Variants in PON1 observed in about 807,000 individuals in gnomAD.
PON1 encodes serum paraoxonase/arylesterase 1.
In PON1, 37 loss-of-function variants were observed where a neutral mutation model predicts 39.2. The observed-to-expected ratio is 0.94, with a 90% CI of 0.73 to 1.24. The LOEUF (loss-of-function observed/expected upper bound fraction) is 1.24. Ranked by LOEUF, PON1 falls within the 50% of genes most tolerant of loss-of-function variation. The pLI, the probability that PON1 is intolerant of heterozygous loss-of-function variation, is 0.00. For missense variants in PON1, 397 were observed against 413.5 expected, an observed-to-expected ratio of 0.96 and a Z score of 0.35; for synonymous variants, 148 against 152.2, an observed-to-expected ratio of 0.97 and a Z score of 0.21.
chr7:95,301,647 A>G lies in PON1; in HGVS notation c.909+558T>C, dbSNP rs565623309. ...TACACTGTGTCCACACATTTTGTGT[A>G]TAGTCCGTTGATTAAACTCCCCTCA... On this transcript the variant is annotated intron_variant, in intron 8 of 8. Coordinates refer to ENST00000222381, the MANE Select transcript of PON1 (RefSeq NM_000446.7). Among the ~76,000 whole-genome samples the G allele has an allele frequency of 1.2e-3, 185 of 152,236 alleles. 1 individual carries two copies. Among genetic ancestry groups the G allele is most frequent in the African/African-American group, 3.5e-3 (147 of 41,552 alleles).
chr7:95,306,884 A>G (rs1362345044), intron 6 of PON1, among the ~76,000 whole-genome samples: 1 of 152,042 alleles, frequency 6.6e-6, no homozygotes, highest in African/African-American at 2.4e-5. Flanking sequence ...CATACCCCAC[A>G]AAGATCTGGG....
In PON1 at chr7:95,311,419, A is replaced by C. The variant is rs1161576261; in HGVS notation, c.497+32T>G. ...GTGGATTAACTATCCGCTACAGCTA[A>C]AGGAAAATAGAAATGTGATATATCT... On this transcript the variant is annotated intron_variant, in intron 5 of 8. Transcript: ENST00000222381. 3.7e-6 allele frequency: 6 copies of C among 1,613,074 alleles called. No individual in the cohort carries two copies. In the South Asian group the frequency reaches 5.5e-5, roughly 15 times the overall value.
At chr7:95,299,253 T>G (rs1179572418) in intron 8 of PON1, 151 bp from the exon 9 acceptor site, 1 of 852,962 alleles carries the variant, frequency 1.2e-6, no homozygotes, top group African/African-American at 1.7e-5. Flanking sequence ...ACACACCTGT[T>G]TCTTCATTTG....
At position 95,316,730 on chromosome 7, in the gene PON1, T is replaced by G. The variant is rs200332262; in HGVS notation, c.201+4A>C. Reference sequence around the variant, plus strand: ...AACACAGAAAAGTGAAAGAAAACACTCACAGAGCTAATGAAAGCCAGTCCA... The same window carrying G: ...AACACAGAAAAGTGAAAGAAAACACGCACAGAGCTAATGAAAGCCAGTCCA... On this transcript the variant is annotated splice_donor_region_variant and intron_variant, in intron 3 of 8. Transcript: ENST00000222381. 1 of 1,612,150 alleles carries G rather than the reference T, an allele frequency of 6.2e-7. No individual in the cohort carries two copies. Among genetic ancestry groups the G allele is most frequent in the East Asian group, 2.2e-5 (1 of 44,828 alleles).
intron 1 of PON1, 148 bp from the exon 2 acceptor site, chr7:95,318,541 G>T: frequency 1.4e-6 from 1 of 692,490 alleles, no homozygotes; most frequent in Non-Finnish European, 2.5e-6. Context: ...TCCAGGCAAG[G>T]CCAGGGCAAG....
chr7:95,322,676 T>C (rs530173979), intron 1 of PON1, among the ~76,000 whole-genome samples: 1 of 152,164 alleles, frequency 6.6e-6, no homozygotes, highest in Admixed American at 6.5e-5. Context: ...CAACATTCCA[T>C]AGCCCAAGTT....
intron 6 of PON1, among the ~76,000 whole-genome samples, chr7:95,307,059 CTT>C (rs546150639): frequency 2.2e-3 from 275 of 125,128 alleles, no homozygotes; most frequent in African/African-American, 6.6e-3. Flanking sequence ...TTCTTTCTTT[CTT>C]TTTTTTTTTT....
chr7:95,306,489 C>CA (rs1807544373), intron 6 of PON1, 123 bp from the exon 7 acceptor site: 1 of 741,040 alleles, frequency 1.3e-6, no homozygotes, highest in African/African-American at 1.7e-5. Flanking sequence ...TGGAACCCAC[C>CA]TCAAACACAC....
At chr7:95,314,284 C>T (rs1287033769) in intron 4 of PON1, among the ~76,000 whole-genome samples, 4 of 151,832 alleles carry the variant, frequency 2.6e-5, no homozygotes, top group Admixed American at 6.6e-5. Flanking sequence ...TGCTTGAACC[C>T]GGGAGGTGAA....
intron 6 of PON1, among the ~76,000 whole-genome samples, chr7:95,307,019 A>ACTTG (rs888258276): frequency 6.8e-6 from 1 of 148,036 alleles, no homozygotes; most frequent in African/African-American, 2.5e-5. Context: ...TGTTGCTCTC[A>ACTTG]CTTGCTTGCT....
At chr7:95,321,060 A>T (rs1807886006) in intron 1 of PON1, among the ~76,000 whole-genome samples, 1 of 152,226 alleles carries the variant, frequency 6.6e-6, no homozygotes, top group African/African-American at 2.4e-5. Flanking sequence ...ATTGCAGAAG[A>T]TGAAGAGAAG....
chr7:95,303,352 A>G (rs1182396727), intron 7 of PON1, among the ~76,000 whole-genome samples: 2 of 150,526 alleles, frequency 1.3e-5, no homozygotes, highest in Non-Finnish European at 2.9e-5. Flanking sequence ...AGGCGGCTCC[A>G]TGCTTGCTTT....
At chr7:95,299,794 TTAA>T (rs1348489509) in intron 8 of PON1, among the ~76,000 whole-genome samples, 1 of 152,126 alleles carries the variant, frequency 6.6e-6, no homozygotes, top group Non-Finnish European at 1.5e-5. Context: ...AAGTTAATAC[TTAA>T]TAAACCCCCT....
At chr7:95,302,150 G>GAAAAAAAAAAA (rs1195222289) in intron 8 of PON1, 55 bp downstream of exon 8, 1 of 946,072 alleles carries the variant, frequency 1.1e-6, no homozygotes, top group Non-Finnish European at 1.6e-6. Flanking sequence ...GTTGTCAACT[G>GAAAAAAAAAAA]AAAAAACAGT....
At chr7:95,304,888 A>G (rs2237582) in intron 7 of PON1, among the ~76,000 whole-genome samples, 65,031 of 152,000 alleles carry the variant, frequency 0.43, 16,415 homozygotes, top group African/African-American at 0.69. Context: ...CCTCAGTCTC[A>G]CCCTGGTGAG....
chr7:95,318,480 C>T, intron 1 of PON1, 87 bp from the exon 2 acceptor site: 1 of 1,223,314 alleles, frequency 8.2e-7, no homozygotes, highest in Non-Finnish European at 1.2e-6. Context: ...AAAAGTTCTC[C>T]TTCACTGTAC....
intron 5 of PON1, 36 bp downstream of exon 5, chr7:95,311,415 G>T: frequency 6.2e-7 from 1 of 1,612,320 alleles, no homozygotes; most frequent in South Asian, 1.1e-5. Flanking sequence ...ATCCGCTACA[G>T]CTAAAGGAAA....
rs545800372 is a variant in PON1, at chr7:95,298,894, C to T, written c.*50G>A. On this transcript the variant is annotated 3_prime_UTR_variant, in exon 9 of 9. Coordinates refer to ENST00000222381, the MANE Select transcript of PON1 (RefSeq NM_000446.7). The stretch of plus-strand genomic sequence containing the variant: ...CACTGGGTCCTCGGAATATGGCAAG[C>T]GGTTGAAATAATGGCCTCAGTTTCT... 26 of 1,606,654 alleles carry T rather than the reference C, an allele frequency of 1.6e-5. 1 individual carries two copies. Among genetic ancestry groups the T allele is most frequent in the East Asian group, 4.5e-5 (2 of 44,812 alleles).
chr7:95,321,231 C>A (rs1293946163), intron 1 of PON1, among the ~76,000 whole-genome samples: 1 of 152,162 alleles, frequency 6.6e-6, no homozygotes, highest in East Asian at 1.9e-4. Flanking sequence ...CTTCATGACC[C>A]AAACACCTCC....
Sources: allele counts gnomAD v4.1 joint callset (sites outside exome capture counted in the v4.1 genomes callset), GRCh38; gene constraint gnomAD v4.1.1; transcripts MANE v1.5; gene names NCBI Gene and HGNC (gene_info 2026-07-23, HGNC 2026-07-21).